The following OPCML variants were observed in gnomAD, a reference collection of about 807,000 sequenced individuals.
The protein encoded by OPCML is opioid binding protein/cell adhesion molecule like.
In OPCML, 13 loss-of-function variants were observed where a neutral mutation model predicts 37.8. The observed-to-expected ratio is 0.34, with a 90% CI of 0.22 to 0.55. The LOEUF (loss-of-function observed/expected upper bound fraction) is 0.55, where lower values mean the gene tolerates loss of function less well. Among genes scored for constraint, OPCML ranks in the 20% least tolerant of loss-of-function variants. The probability of loss-of-function intolerance (pLI) is 0.91; values close to 1 mark genes in which losing one functional copy is unlikely to be tolerated. For missense variants in OPCML, 341 were observed against 435.6 expected (o/e 0.78, Z 1.93); for synonymous variants, 176 against 168.8 (o/e 1.04, Z -0.33).
At chr11:133,079,700 A>C (rs1275632808) in intron 1 of OPCML, among the ~76,000 whole-genome samples, 1 of 152,046 alleles carries the variant, frequency 6.6e-6, no homozygotes, top group Non-Finnish European at 1.5e-5. Flanking sequence ...ACAATTTCAC[A>C]ATTTGTGAAT....
chr11:133,442,958 C>T (rs755537144), intron 1 of OPCML, among the ~76,000 whole-genome samples: 5 of 152,004 alleles, frequency 3.3e-5, no homozygotes, highest in Non-Finnish European at 5.9e-5. Context: ...AAACATGATA[C>T]TTAATAGCAA....
At chr11:132,617,163 G>A (rs1939083123) in intron 3 of OPCML, among the ~76,000 whole-genome samples, 1 of 152,170 alleles carries the variant, frequency 6.6e-6, no homozygotes. Flanking sequence ...CACTTCTTAA[G>A]AAATCAATAA....
At chr11:132,922,160 G>A (rs1027892058) in intron 2 of OPCML, among the ~76,000 whole-genome samples, 2 of 152,204 alleles carry the variant, frequency 1.3e-5, no homozygotes, top group African/African-American at 4.8e-5. Context: ...TTATAGATGT[G>A]AGCCACTACC....
intron 3 of OPCML, among the ~76,000 whole-genome samples, chr11:132,599,638 GC>G (rs939098709): frequency 6.6e-6 from 1 of 152,090 alleles, no homozygotes; most frequent in East Asian, 1.9e-4. Flanking sequence ...TGCAGAAGAA[GC>G]CCCGAGTGCC....
At chr11:133,348,516 ACAGCCC>A (rs1944053402) in intron 1 of OPCML, among the ~76,000 whole-genome samples, 1 of 152,200 alleles carries the variant, frequency 6.6e-6, no homozygotes, top group Admixed American at 6.5e-5. Flanking sequence ...AGAGGAGCAT[ACAGCCC>A]CAGCCTCCCT....
intron 1 of OPCML, among the ~76,000 whole-genome samples, chr11:133,342,586 C>A (rs975995870): frequency 6.6e-6 from 1 of 152,124 alleles, no homozygotes; most frequent in African/African-American, 2.4e-5. Flanking sequence ...CAGAGGGACC[C>A]GTGCGGAGGT....
At chr11:132,980,074 G>A (rs1481410332) in intron 1 of OPCML, among the ~76,000 whole-genome samples, 1 of 152,174 alleles carries the variant, frequency 6.6e-6, no homozygotes, top group East Asian at 1.9e-4. Context: ...ACACTATAGT[G>A]CCTCAAAATG....
intron 1 of OPCML, among the ~76,000 whole-genome samples, chr11:132,976,054 G>T (rs1269288379): frequency 6.6e-6 from 1 of 152,190 alleles, no homozygotes; most frequent in Non-Finnish European, 1.5e-5. Context: ...TAAGACTAAA[G>T]CTCGTTTCAA....
intron 3 of OPCML, among the ~76,000 whole-genome samples, chr11:132,655,340 G>A (rs1046686786): frequency 1.3e-5 from 2 of 152,194 alleles, no homozygotes; most frequent in Admixed American, 6.5e-5. Context: ...GTGGGGTAGT[G>A]AGAGCTCACA....
chr11:133,011,068 GC>G (rs1328317515), intron 1 of OPCML, among the ~76,000 whole-genome samples: 37 of 152,328 alleles, frequency 2.4e-4, no homozygotes, highest in South Asian at 1.5e-3. Flanking sequence ...GTACAAGCAA[GC>G]CCGGCAAGAG....
chr11:132,672,403 G>C (rs922472123), intron 2 of OPCML, among the ~76,000 whole-genome samples: 1 of 152,064 alleles, frequency 6.6e-6, no homozygotes, highest in Non-Finnish European at 1.5e-5. Context: ...GTGCATTTGG[G>C]GTCCTAAAGT....
chr11:133,307,746 G>A (rs1942962607), intron 1 of OPCML, among the ~76,000 whole-genome samples: 1 of 152,150 alleles, frequency 6.6e-6, no homozygotes, highest in African/African-American at 2.4e-5. Context: ...AACATTAACT[G>A]TGCCACATTC....
intron 3 of OPCML, among the ~76,000 whole-genome samples, chr11:132,636,507 T>C (rs1359120985): frequency 6.6e-6 from 1 of 152,182 alleles, no homozygotes; most frequent in Non-Finnish European, 1.5e-5. Context: ...AGTGGATCCA[T>C]TGCACCACAG....
chr11:133,050,153 C>A (rs1948104246), intron 1 of OPCML, among the ~76,000 whole-genome samples: 1 of 152,190 alleles, frequency 6.6e-6, no homozygotes, highest in Non-Finnish European at 1.5e-5. Flanking sequence ...TCCTGGCTGC[C>A]ACTTTTAGAC....
chr11:133,157,839 C>T (rs1369682958), intron 1 of OPCML, among the ~76,000 whole-genome samples: 3 of 152,218 alleles, frequency 2.0e-5, no homozygotes, highest in South Asian at 2.1e-4. Flanking sequence ...CATACTACCT[C>T]CTCTTCTGCG....
intron 2 of OPCML, among the ~76,000 whole-genome samples, chr11:132,893,712 T>A (rs1004149101): frequency 1.3e-5 from 2 of 152,242 alleles, no homozygotes; most frequent in Non-Finnish European, 2.9e-5. Context: ...GTATTGCCAG[T>A]GGTCTGGCAC....
At chr11:133,327,287 C>G (rs536103230) in intron 1 of OPCML, among the ~76,000 whole-genome samples, 1 of 151,794 alleles carries the variant, frequency 6.6e-6, no homozygotes, top group African/African-American at 2.4e-5. Flanking sequence ...AAGTGTTTTT[C>G]CTAAATGTCC....
chr11:133,317,529 A>G (rs900475139), intron 1 of OPCML, among the ~76,000 whole-genome samples: 1 of 152,198 alleles, frequency 6.6e-6, no homozygotes. Context: ...CCACTTGCTG[A>G]GAGGCAAGAT....
At chr11:132,956,285 C>T (rs901601606) in intron 1 of OPCML, among the ~76,000 whole-genome samples, 8 of 152,092 alleles carry the variant, frequency 5.3e-5, no homozygotes, top group African/African-American at 1.9e-4. Flanking sequence ...GGCTAACAAG[C>T]AATGAAGATC....
Sources: allele counts gnomAD v4.1 joint callset (sites outside exome capture counted in the v4.1 genomes callset), GRCh38; gene constraint gnomAD v4.1.1; transcripts MANE v1.5; gene names NCBI Gene and HGNC (gene_info 2026-07-23, HGNC 2026-07-21).